The following TMEM114 variants were observed in gnomAD, a reference collection of about 807,000 sequenced individuals.
The protein encoded by TMEM114 is claudin-26.
In TMEM114, 6 loss-of-function variants were observed where a neutral mutation model predicts 6.2. That is an observed-to-expected ratio of 0.97 (90% CI 0.53 to 1.91). TMEM114 has a LOEUF of 1.91. Among genes scored for constraint, TMEM114 ranks in the 40% most tolerant of loss-of-function variants. TMEM114 has a pLI of 0.01. For missense variants in TMEM114, 218 were observed against 158.3 expected (o/e 1.38, Z -2.02); for synonymous variants, 104 against 73.0 (o/e 1.42, Z -2.16).
intron 2 of TMEM114, among the ~76,000 whole-genome samples, chr16:8,560,010 T>A (rs1901146819): frequency 6.6e-6 from 1 of 152,044 alleles, no homozygotes; most frequent in Admixed American, 6.6e-5. Flanking sequence ...TGGTTGTTGT[T>A]GTTTGAGATA....
At chr16:8,568,721 A>G (rs1901625770), downstream of TMEM114, among the ~76,000 whole-genome samples, 4 of 152,174 alleles carry the variant, frequency 2.6e-5, no homozygotes, top group Admixed American at 6.5e-5. Flanking sequence ...ACATCTCATG[A>G]CTTGGAATCT....
intron 2 of TMEM114, among the ~76,000 whole-genome samples, chr16:8,552,336 T>C (rs991105290): frequency 3.3e-5 from 5 of 152,058 alleles, no homozygotes; most frequent in African/African-American, 7.2e-5. Flanking sequence ...GTGAGCTATA[T>C]TCACTCCACT....
chr16:8,558,416 T>G (rs980103663), intron 2 of TMEM114, among the ~76,000 whole-genome samples: 1 of 152,008 alleles, frequency 6.6e-6, no homozygotes, highest in African/African-American at 2.4e-5. Flanking sequence ...TGTCTTCATG[T>G]GGCCTTCTCT....
intron 2 of TMEM114, among the ~76,000 whole-genome samples, chr16:8,575,957 G>A (rs559458527): frequency 1.4e-4 from 22 of 152,286 alleles, no homozygotes; most frequent in African/African-American, 5.1e-4. Flanking sequence ...CTGTGATGGA[G>A]AGAAAGAAAG....
downstream of TMEM114, among the ~76,000 whole-genome samples, chr16:8,536,556 A>C (rs1900366208): frequency 6.6e-6 from 1 of 152,208 alleles, no homozygotes; most frequent in African/African-American, 2.4e-5. Flanking sequence ...GTCTTCAATA[A>C]ATTGCTTAAA....
rs536308283 is a variant in TMEM114, at chr16:8,537,702, A to G, written n.337T>C. 2.0e-5 allele frequency: 3 copies of G among 152,276 alleles called. No individual in the cohort carries two copies. The East Asian group carries it at 5.8e-4, about 29-fold the overall frequency. The allele number at this position is 152,276 out of a possible 1,614,324, so 9.4% of individuals were successfully genotyped here. A position where few individuals can be genotyped will look rare whatever the true frequency, so the allele number is the denominator to read the frequency against. ...TGGTGTGAAGCTACAATCTGGTTTT[A>G]TCCGCCATTCTGTTTTATACCAGGA... On this transcript the variant is annotated non_coding_transcript_exon_variant, in exon 3 of 3. Coordinates refer to the TMEM114 transcript ENST00000623677.
downstream of TMEM114, among the ~76,000 whole-genome samples, chr16:8,534,248 G>C (rs1194570135): frequency 2.0e-5 from 3 of 152,018 alleles, no homozygotes; most frequent in African/African-American, 4.8e-5. Context: ...CAATTAATCT[G>C]TGCAAATGTA....
chr16:8,587,428 A>C (rs1004918558), intron 2 of TMEM114, among the ~76,000 whole-genome samples: 1 of 152,140 alleles, frequency 6.6e-6, no homozygotes, highest in Admixed American at 6.5e-5. Flanking sequence ...TTTAAACCCC[A>C]CCCCACAAAA....
downstream of TMEM114, among the ~76,000 whole-genome samples, chr16:8,567,538 T>C (rs1462340464): frequency 6.6e-6 from 1 of 152,192 alleles, no homozygotes; most frequent in East Asian, 1.9e-4. Context: ...GGTGGACGTG[T>C]GGGACCAGAT....
At chr16:8,562,526 T>TGAGTGAGTGAGTTAATGAGTGAGTGAGTG in intron 2 of TMEM114, among the ~76,000 whole-genome samples, 1 of 127,264 alleles carries the variant, frequency 7.9e-6, no homozygotes, top group Admixed American at 7.7e-5. Context: ...ATGAGTGAGT[T>TGAGTGAGTGAGTTAATGAGTGAGTGAGTG]AATGAGTGAG....
chr16:8,587,166 C>T (rs1157288477), intron 2 of TMEM114, among the ~76,000 whole-genome samples: 1 of 151,822 alleles, frequency 6.6e-6, no homozygotes, highest in Non-Finnish European at 1.5e-5. Flanking sequence ...TTCAATATTT[C>T]CCAGCATGCC....
At chr16:8,541,700 T>A (rs1165422512) in intron 2 of TMEM114, among the ~76,000 whole-genome samples, 1 of 152,234 alleles carries the variant, frequency 6.6e-6, no homozygotes, top group Non-Finnish European at 1.5e-5. Flanking sequence ...TCTGTTTTAA[T>A]GAAAATTTCA....
chr16:8,578,495 C>T (rs557662797), intron 2 of TMEM114, among the ~76,000 whole-genome samples: 1 of 152,284 alleles, frequency 6.6e-6, no homozygotes, highest in African/African-American at 2.4e-5. Flanking sequence ...AAGATTATCT[C>T]ATCTCGAGAG....
downstream of TMEM114, among the ~76,000 whole-genome samples, chr16:8,568,283 C>A (rs1173943224): frequency 2.6e-5 from 4 of 152,290 alleles, no homozygotes; most frequent in East Asian, 1.9e-4. Context: ...ATTGCCCCCC[C>A]AGTTGCTGGT....
chr16:8,570,785 G>A (rs529929047), intron 3 of TMEM114, among the ~76,000 whole-genome samples: 1 of 152,070 alleles, frequency 6.6e-6, no homozygotes, highest in Non-Finnish European at 1.5e-5. Context: ...GGTCCAGTAC[G>A]ATAGCCACTG....
Position 8,540,020 on chromosome 16 carries a change from G to A in TMEM114, n.213-2194C>T, listed in dbSNP as rs374346521. Reference sequence around the variant, plus strand: ...TTTAGTAGAGATGGGGTTTCACCACGTTGACCAGGCTGGTCTTGAACTCTC... The same window carrying A: ...TTTAGTAGAGATGGGGTTTCACCACATTGACCAGGCTGGTCTTGAACTCTC... On this transcript the variant is annotated intron_variant and non_coding_transcript_variant, in intron 2 of 2. Coordinates refer to the TMEM114 transcript ENST00000623677. Among the ~76,000 whole-genome samples the A allele has an allele frequency of 2.6e-4, 40 of 152,114 alleles. No individual in the cohort carries two copies. The South Asian group carries it at 7.7e-3, about 29-fold the overall frequency.
At chr16:8,553,043 C>T (rs1290869254) in intron 2 of TMEM114, among the ~76,000 whole-genome samples, 2 of 152,242 alleles carry the variant, frequency 1.3e-5, no homozygotes, top group Non-Finnish European at 2.9e-5. Context: ...TTCTTGCTTC[C>T]TGCCAGGTTT....
chr16:8,534,951 G>C (rs1315534580), downstream of TMEM114, among the ~76,000 whole-genome samples: 1 of 152,212 alleles, frequency 6.6e-6, no homozygotes, highest in Non-Finnish European at 1.5e-5. Context: ...TCAGAGAACA[G>C]CTACTCCTGT....
At chr16:8,588,425 C>A (rs1241765981) in intron 2 of TMEM114, among the ~76,000 whole-genome samples, 1 of 152,202 alleles carries the variant, frequency 6.6e-6, no homozygotes, top group Admixed American at 6.5e-5. Flanking sequence ...CTAATAACTT[C>A]ATAGGGTGTG....
Sources: allele counts gnomAD v4.1 joint callset (sites outside exome capture counted in the v4.1 genomes callset), GRCh38; gene constraint gnomAD v4.1.1; transcripts MANE v1.5; gene names NCBI Gene and HGNC (gene_info 2026-07-23, HGNC 2026-07-21).